Variants in BSN observed in about 807,000 individuals in gnomAD.
BSN encodes bassoon presynaptic cytomatrix protein, also known as protein bassoon.
A neutral mutation model predicts 264.8 loss-of-function variants in BSN; 57 were observed. The observed-to-expected ratio is 0.22, with a 90% CI of 0.17 to 0.27. The LOEUF is 0.27. Among genes scored for constraint, BSN ranks in the 10% least tolerant of loss-of-function variants. The probability of loss-of-function intolerance (pLI) is 1.00; values close to 1 mark genes in which losing one functional copy is unlikely to be tolerated. For synonymous variants in BSN, 2,059 were observed against 2,137.3 expected, an observed-to-expected ratio of 0.96 and a Z score of 1.01; for missense variants, 4,615 against 5,232.5, an observed-to-expected ratio of 0.88 and a Z score of 3.64.
intron 1 of BSN, among the ~76,000 whole-genome samples, chr3:49,590,628 T>C (rs2051970978): frequency 6.6e-6 from 1 of 152,096 alleles, no homozygotes; most frequent in East Asian, 1.9e-4. Context: ...CAGTGAAATA[T>C]AGAAACTTTA....
At chr3:49,597,683 T>C (rs2052035739) in intron 1 of BSN, among the ~76,000 whole-genome samples, 1 of 152,086 alleles carries the variant, frequency 6.6e-6, no homozygotes, top group African/African-American at 2.4e-5. Context: ...CACTGTGTCG[T>C]CCAGGCTGGA....
Position 49,653,905 on chromosome 3 carries a change from G to A in BSN, c.4349G>A (p.Arg1450Lys). ...SGLAAAGRAA[R>K]EKPLSASDGE... ...CTTGCTGCAGCTGGACGAGCTGCTA[G>A]AGAGAAGCCCTTGAGTGCGAGTGAC... Residue 1450 changes from arginine (R) to lysine (K), a missense_variant, in exon 5 of 12, where the codon AGA (arginine) becomes AAA (lysine). By Grantham distance (26) the Arg-to-Lys change is conservative. Around this residue, in one of 3 missense-constraint regions of BSN, gnomAD observed 3,415 missense variants for 3,866.4 expected, o/e 0.88. Transcript: ENST00000296452. This position sits in a 1 kb window ranked among gnomAD's most constrained non-coding sequence, Gnocchi z 6.3. 1 of 1,614,182 alleles carries A rather than the reference G, an allele frequency of 6.2e-7. No homozygotes were observed. The highest frequency in any genetic ancestry group is 1.1e-5 in the South Asian group (1 of 91,080).
chr3:49,556,187 G>A (rs1037685424), intron 1 of BSN, among the ~76,000 whole-genome samples: 2 of 152,212 alleles, frequency 1.3e-5, no homozygotes, highest in Non-Finnish European at 2.9e-5. Context: ...CTCCTTCCAA[G>A]GGAAAGCTTC....
Position 49,656,893 on chromosome 3 carries a change from CGCA to C in BSN, c.7343_7345del (p.Gln2448del). 1 of 1,600,164 alleles carries C rather than the reference CGCA, an allele frequency of 6.2e-7. No individual in the cohort carries two copies. Among genetic ancestry groups the C allele is most frequent in the Non-Finnish European group, 8.5e-7 (1 of 1,173,394 alleles). ...TTTGCACTGCAGCGGGAACAGCTAG[CGCA>C]GCAGCGTCTGCAGCTGGAGCAGATC... On this transcript the variant is annotated inframe_deletion, in exon 5 of 12. Coordinates refer to ENST00000296452, the MANE Select transcript of BSN (RefSeq NM_003458.4).
intron 1 of BSN, among the ~76,000 whole-genome samples, chr3:49,565,734 C>G (rs1455115919): frequency 1.3e-5 from 2 of 152,350 alleles, no homozygotes; most frequent in African/African-American, 4.8e-5. Context: ...TCACAACCAA[C>G]AAAGTTAACT....
At position 49,663,491 on chromosome 3, in the gene BSN, CACA is replaced by C; in HGVS notation, c.11334_11336del (p.Gln3783del). On this transcript the variant is annotated inframe_deletion, in exon 7 of 12. Coordinates refer to ENST00000296452, the MANE Select transcript of BSN (RefSeq NM_003458.4). ...GGGGCAGCATCACGCCAGCCACAGA[CACA>C]GCAGCAGCAGCAAGGTCTTGGGCTG... is the stretch of plus-strand genomic sequence containing the variant. 6.2e-7 allele frequency: 1 copy of C among 1,613,226 alleles called. No individual in the cohort carries two copies. The highest frequency in any genetic ancestry group is 1.3e-5 in the African/African-American group (1 of 75,076).
intron 1 of BSN, among the ~76,000 whole-genome samples, chr3:49,594,576 G>A (rs2052006348): frequency 6.6e-6 from 1 of 152,060 alleles, no homozygotes; most frequent in East Asian, 1.9e-4. Context: ...TTTTATTACT[G>A]TAGCTACACA....
intron 1 of BSN, among the ~76,000 whole-genome samples, chr3:49,582,129 A>C (rs937982452): frequency 6.6e-6 from 1 of 151,750 alleles, no homozygotes; most frequent in African/African-American, 2.4e-5. Flanking sequence ...GAGGGTTCCA[A>C]TTTTTCCACG....
rs1575427061 is a variant in BSN at position 49,575,415 on chromosome 3, T to C, written c.224+20589T>C. Reference sequence around the variant, plus strand: ...ATATGTGTGTATATATATGTAAATATATATATGTGTATATATATGTAAATA... The same window carrying C: ...ATATGTGTGTATATATATGTAAATACATATATGTGTATATATATGTAAATA... On this transcript the variant is annotated intron_variant, in intron 1 of 11. Coordinates refer to ENST00000296452, the MANE Select transcript of BSN (RefSeq NM_003458.4). 4.7e-5 allele frequency among the ~76,000 whole-genome samples: 7 copies of C among 147,690 alleles called. 1 individual carries two copies. The Admixed American group carries it at 4.8e-4, about 10-fold the overall frequency.
chr3:49,580,906 A>G (rs2051891219), intron 1 of BSN, among the ~76,000 whole-genome samples: 2 of 151,806 alleles, frequency 1.3e-5, no homozygotes, highest in Admixed American at 1.3e-4. Flanking sequence ...TATTTCTAAA[A>G]TTTTTAATCA....
At chr3:49,590,572 A>G (rs1343679541) in intron 1 of BSN, among the ~76,000 whole-genome samples, 8 of 152,102 alleles carry the variant, frequency 5.3e-5, no homozygotes, top group Non-Finnish European at 2.9e-5. Flanking sequence ...TACAATACAC[A>G]TCTTAATTTA....
chr3:49,625,464 A>G lies in BSN; in HGVS notation c.633+81A>G. On this transcript the variant is annotated intron_variant, in intron 2 of 11. Coordinates refer to ENST00000296452, the MANE Select transcript of BSN (RefSeq NM_003458.4). This position sits in a 1 kb window ranked among gnomAD's most constrained non-coding sequence, Gnocchi z 4.4. ...CCTGGTTCCCTTCCCCTCTTTCACC[A>G]ACTCTCTTTTCCTGGTCATTTCCCT... 1 of 1,300,068 alleles carries G rather than the reference A, an allele frequency of 7.7e-7. No individual in the cohort carries two copies. The highest frequency in any genetic ancestry group is 1.0e-6 in the Non-Finnish European group (1 of 995,624). 80.5% of individuals were successfully genotyped at this position (1,300,068 alleles called of 1,614,324 possible).
intron 3 of BSN, 106 bp downstream of exon 3, chr3:49,643,258 G>T: frequency 6.8e-7 from 1 of 1,465,772 alleles, no homozygotes; most frequent in East Asian, 2.4e-5. Flanking sequence ...AGCAGCCATG[G>T]GGCTGCTCCT....
chr3:49,592,405 G>A (rs773025081), intron 1 of BSN, among the ~76,000 whole-genome samples: 15 of 150,234 alleles, frequency 1.0e-4, no homozygotes, highest in Admixed American at 8.6e-4. Context: ...CACCGTGCCC[G>A]ACCAATTATT....
At chr3:49,635,080 G>A (rs2052410662) in intron 2 of BSN, among the ~76,000 whole-genome samples, 1 of 152,174 alleles carries the variant, frequency 6.6e-6, no homozygotes, top group South Asian at 2.1e-4. Context: ...GATTGGATGT[G>A]GAGGGTAGGA....
Position 49,661,115 on chromosome 3 carries a change from A to G in BSN, c.9270A>G (p.Pro3090=), listed in dbSNP as rs775853540. The part of the protein sequence containing the change: ...APTYPGPSTY[P]APAFPPGASY... ...CCTACCCTGGCCCCAGCACGTACCC[A>G]GCTCCTGCCTTTCCTCCTGGTGCCA... Residue 3090 remains proline, a synonymous_variant, in exon 6 of 12, where the codon CCA becomes CCG. Coordinates refer to ENST00000296452, the MANE Select transcript of BSN (RefSeq NM_003458.4). 6.3e-7 allele frequency: 1 copy of G among 1,599,752 alleles called. No homozygotes were observed. The highest frequency in any genetic ancestry group is 1.4e-5 in the African/African-American group (1 of 73,306).
chr3:49,661,743 G>A lies in BSN; in HGVS notation c.9898G>A (p.Gly3300Arg), dbSNP rs200099405. 58 of 1,613,426 alleles carry A rather than the reference G, an allele frequency of 3.6e-5. No homozygotes were observed. In the Admixed American group the frequency reaches 3.8e-4, roughly 11 times the overall value. ...ESEEDSYDPR[G>R]KGGHLRSMES... The stretch of plus-strand genomic sequence containing the variant: ...TGAGGAGGACTCATACGATCCCCGC[G>A]GGAAGGGTGGCCACCTCCGGAGCAT... The change falls in exon 6 of 12, where the codon GGG becomes AGG. Residue 3300 changes from glycine (G) to arginine (R), a missense_variant. Transcript: ENST00000296452.
Position 49,554,491 on chromosome 3 carries a change from G to C in BSN, c.-112G>C, listed in dbSNP as rs1261483298. The C allele has an allele frequency of 1.5e-5, 4 of 258,310 alleles. No homozygotes were observed. The Admixed American group carries it at 2.6e-4, about 17-fold the overall frequency. The allele number at this position is 258,310 out of a possible 1,614,324, so 16.0% of individuals were successfully genotyped here. Reference sequence around the variant, plus strand: ...TGCGCAGCGGCAGGCGGCGGCGCGAGCCGAGCTGGGAGATGGCGGCGGCAG... The same window carrying C: ...TGCGCAGCGGCAGGCGGCGGCGCGACCCGAGCTGGGAGATGGCGGCGGCAG... On this transcript the variant is annotated 5_prime_UTR_variant, in exon 1 of 12. Transcript: ENST00000296452.
chr3:49,661,844 G>C lies in BSN; in HGVS notation c.9999G>C (p.Lys3333Asn). 2 of 1,613,588 alleles carry C rather than the reference G, an allele frequency of 1.2e-6. No individual in the cohort carries two copies. Among genetic ancestry groups the C allele is most frequent in the Non-Finnish European group, 1.7e-6 (2 of 1,180,044 alleles). Residue 3333 changes from lysine to asparagine, a missense_variant, in exon 6 of 12, where the codon AAG becomes AAC. Around this residue, in one of 3 missense-constraint regions of BSN, gnomAD observed 3,415 missense variants for 3,866.4 expected, o/e 0.88. Coordinates refer to ENST00000296452, the MANE Select transcript of BSN (RefSeq NM_003458.4). ...ACAGGCATGGGGCTCGAGTAGAGAA[G>C]TATGGTCCAGGGCCCATGGGGCCCA... The part of the protein sequence containing the change: ...SDYRHGARVE[K>N]YGPGPMGPKH...
Sources: gnomAD v4.1 joint callset for allele counts (sites outside exome capture counted in the v4.1 genomes callset) on GRCh38, gnomAD v4.1.1 for gene constraint, gnomAD v4.1.1 regional missense constraint, Gnocchi (gnomAD v3.1) non-coding constraint, MANE v1.5 for transcripts, NCBI Gene and HGNC (gene_info 2026-07-23, HGNC 2026-07-21) for gene names.